TCF7L2: variants seen among roughly 807,000 people sequenced by gnomAD.
TCF7L2 encodes transcription factor 7 like 2.
A neutral mutation model predicts 77.9 loss-of-function variants in TCF7L2; 23 were observed. The observed-to-expected ratio is 0.30, with a 90% confidence interval of 0.21 to 0.42. TCF7L2 has a LOEUF of 0.42. Among genes scored for constraint, TCF7L2 ranks in the 10% least tolerant of loss-of-function variants. TCF7L2 has a pLI of 1.00. For missense variants in TCF7L2, 654 were observed against 793.1 expected (o/e 0.82, Z 2.11); for synonymous variants, 413 against 340.2 (o/e 1.21, Z -2.36).
chr10:113,040,160 A>G, intron 5 of TCF7L2, 34 bp downstream of exon 5: 1 of 1,581,434 alleles, frequency 6.3e-7, no homozygotes, highest in Non-Finnish European at 8.6e-7. Flanking sequence ...GGCTTCCTTT[A>G]TTGAGGGGGT....
rs776048518 is a variant in TCF7L2, at chr10:113,151,745, A to C, written c.1022A>C (p.Lys341Thr). 3.1e-6 allele frequency: 5 copies of C among 1,602,014 alleles called. No homozygotes were observed. The highest frequency in any genetic ancestry group is 4.2e-6 in the Non-Finnish European group (5 of 1,177,014). The change falls in exon 10 of 14, where the codon AAG becomes ACG. Residue 341 changes from lysine to threonine, a missense_variant. By Grantham distance (78) the Lys-to-Thr change is moderately conservative (BLOSUM62 -1). Around this residue, in one of 6 missense-constraint regions of TCF7L2, gnomAD observed 179 missense variants for 270.6 expected, o/e 0.66. Coordinates refer to ENST00000627217, the MANE Select transcript of TCF7L2 (RefSeq NM_001146274.2). This position sits in a 1 kb window ranked among gnomAD's most constrained non-coding sequence, Gnocchi z 5.2. The stretch of plus-strand genomic sequence containing the variant: ...TCCAGAAAGCATCAGGACTCCAAAA[A>C]GGAAGAAGAAAAGAAGAAGCCCCAC...
chr10:113,122,035 A>G (rs956636250), intron 5 of TCF7L2, among the ~76,000 whole-genome samples: 8 of 152,214 alleles, frequency 5.3e-5, no homozygotes, highest in Non-Finnish European at 1.5e-5. Flanking sequence ...AGTCGAGCAC[A>G]TTTTACTCTG....
chr10:113,088,186 G>C (rs1052393328), intron 5 of TCF7L2, among the ~76,000 whole-genome samples: 4 of 151,652 alleles, frequency 2.6e-5, no homozygotes, highest in Non-Finnish European at 5.9e-5. Flanking sequence ...TTGTGAAATC[G>C]CCCTTCTTGG....
At position 113,147,545 on chromosome 10, in the gene TCF7L2, A is replaced by G. The variant is rs558450134; in HGVS notation, c.875+1448A>G. Among the ~76,000 whole-genome samples, 10 of 152,322 alleles carry G rather than the reference A, an allele frequency of 6.6e-5. No individual in the cohort carries two copies. The South Asian group carries it at 2.1e-3, about 32-fold the overall frequency. On this transcript the variant is annotated intron_variant, in intron 8 of 13. Coordinates refer to ENST00000627217, the MANE Select transcript of TCF7L2 (RefSeq NM_001146274.2). ...TCGTGTGTTCTCTGGCCTAGAGAGA[A>G]GAGGAGGCGTAACACTTATTAAATA...
chr10:113,047,500 A>G (rs1276839263), intron 5 of TCF7L2, among the ~76,000 whole-genome samples: 1 of 152,224 alleles, frequency 6.6e-6, no homozygotes, highest in Non-Finnish European at 1.5e-5. Flanking sequence ...GTAGGCTTCA[A>G]GGTCAGATGT....
chr10:112,962,433 G>A lies in TCF7L2; in HGVS notation c.382-2123G>A, dbSNP rs118017198. On this transcript the variant is annotated intron_variant, in intron 3 of 13. Coordinates refer to ENST00000627217, the MANE Select transcript of TCF7L2 (RefSeq NM_001146274.2). ...CTTTCTGGCCAAGAATTCCAGGCTC[G>A]CAGAGAAACCTGTCCCAGGCACAGA... Among the ~76,000 whole-genome samples, 616 of 152,132 alleles carry A rather than the reference G, an allele frequency of 4.0e-3. 1 individual carries two copies. The highest frequency in any genetic ancestry group is 0.017 in the Middle Eastern group (5 of 294).
chr10:113,064,989 A>G (rs2057048396), intron 5 of TCF7L2, among the ~76,000 whole-genome samples: 2 of 152,216 alleles, frequency 1.3e-5, no homozygotes, highest in African/African-American at 4.8e-5. Flanking sequence ...ATTTCCATGC[A>G]TATTCACCCA....
intron 13 of TCF7L2, among the ~76,000 whole-genome samples, chr10:113,162,846 C>G (rs112431267): frequency 1.3e-5 from 2 of 152,196 alleles, no homozygotes; most frequent in African/African-American, 4.8e-5. Context: ...AAACAAGAAG[C>G]TAGAAAGGGG....
intron 4 of TCF7L2, among the ~76,000 whole-genome samples, chr10:113,013,855 C>T (rs559313900): frequency 7.9e-5 from 12 of 152,260 alleles, no homozygotes; most frequent in Admixed American, 2.6e-4. Context: ...AACCAAACAA[C>T]GCCCCATGAC....
At chr10:113,095,944 G>C (rs1468844875) in intron 5 of TCF7L2, among the ~76,000 whole-genome samples, 2 of 152,144 alleles carry the variant, frequency 1.3e-5, no homozygotes, top group Non-Finnish European at 2.9e-5. Flanking sequence ...TGTGTCTCGT[G>C]TGACAAAGGT....
At chr10:112,994,137 T>G (rs1278429026) in intron 4 of TCF7L2, among the ~76,000 whole-genome samples, 1 of 151,838 alleles carries the variant, frequency 6.6e-6, no homozygotes, top group Non-Finnish European at 1.5e-5. Flanking sequence ...TACAATTGAG[T>G]GATTTTCTGT....
chr10:112,964,751 G>GTGA, intron 4 of TCF7L2, 127 bp downstream of exon 4: 2 of 873,104 alleles, frequency 2.3e-6, no homozygotes, highest in East Asian at 6.3e-5. Context: ...GGTGGTGGTG[G>GTGA]TGGTGGTGAT....
chr10:113,159,711 T>C, intron 12 of TCF7L2, among the ~76,000 whole-genome samples: 1 of 144,786 alleles, frequency 6.9e-6, no homozygotes, highest in South Asian at 2.3e-4. Flanking sequence ...TGACTTTTAC[T>C]TTTTTTTTTT....
At chr10:113,072,668 T>C (rs1309842301) in intron 5 of TCF7L2, among the ~76,000 whole-genome samples, 1 of 152,202 alleles carries the variant, frequency 6.6e-6, no homozygotes, top group Non-Finnish European at 1.5e-5. Context: ...CAGTTGCTTT[T>C]AAACTACTTA....
At chr10:113,164,066 C>T (rs290481) in intron 13 of TCF7L2, among the ~76,000 whole-genome samples, 31,149 of 152,136 alleles carry the variant, frequency 0.2, 3,676 homozygotes, top group East Asian at 0.6. Flanking sequence ...TGTTATCAGC[C>T]ATGGTTCTGA....
chr10:113,048,609 C>T (rs747082303), intron 5 of TCF7L2, among the ~76,000 whole-genome samples: 3 of 152,200 alleles, frequency 2.0e-5, no homozygotes, highest in Admixed American at 6.5e-5. Flanking sequence ...GGTTATGACA[C>T]TGAATGGTTT....
At chr10:113,107,752 T>TAAAAAAAAAAAAAAAA (rs398014821) in intron 5 of TCF7L2, among the ~76,000 whole-genome samples, 6 of 55,248 alleles carry the variant, frequency 1.1e-4, no homozygotes, top group Admixed American at 2.4e-4. Context: ...AGACTCCGTC[T>TAAAAAAAAAAAAAAAA]AAAAAAAAAA....
intron 5 of TCF7L2, chr10:113,089,504 C>T (rs1296564173): frequency 1.2e-6 from 2 of 1,613,774 alleles, no homozygotes; most frequent in Non-Finnish European, 1.7e-6. Flanking sequence ...AAAGGAGCCA[C>T]TCCTTACAAA....
chr10:113,144,594 A>G (rs1434875556), intron 7 of TCF7L2, among the ~76,000 whole-genome samples: 1 of 152,116 alleles, frequency 6.6e-6, no homozygotes, highest in African/African-American at 2.4e-5. Flanking sequence ...AACAGTGGAA[A>G]GTTTTGTCTG....
Sources: gnomAD v4.1 joint callset for allele counts (sites outside exome capture counted in the v4.1 genomes callset) on GRCh38, gnomAD v4.1.1 for gene constraint, gnomAD v4.1.1 regional missense constraint, Gnocchi (gnomAD v3.1) non-coding constraint, MANE v1.5 for transcripts, NCBI Gene and HGNC (gene_info 2026-07-23, HGNC 2026-07-21) for gene names.